EFNA5: variants seen among roughly 807,000 people sequenced by gnomAD.
EFNA5 encodes ephrin-A5.
Under a neutral mutation model 22.9 loss-of-function variants are expected in EFNA5, and 5 were observed. That is an observed-to-expected ratio of 0.22 (90% CI 0.11 to 0.46). The LOEUF (loss-of-function observed/expected upper bound fraction) is 0.46, where lower values mean the gene tolerates loss of function less well. Among genes scored for constraint, EFNA5 ranks in the 20% least tolerant of loss-of-function variants. The pLI, the probability that EFNA5 is intolerant of heterozygous loss-of-function variation, is 0.99. For missense variants in EFNA5, 237 were observed against 293.3 expected, an observed-to-expected ratio of 0.81 and a Z score of 1.40; for synonymous variants, 113 against 112.2, an observed-to-expected ratio of 1.01 and a Z score of -0.04.
In EFNA5 at chr5:107,463,488, A is replaced by G. The variant is rs9328004; in HGVS notation, c.126-35979T>C. Among the ~76,000 whole-genome samples, 409 of 152,254 alleles carry G rather than the reference A, an allele frequency of 2.7e-3. 2 individuals carry two copies. The highest frequency in any genetic ancestry group is 9.0e-3 in the African/African-American group (376 of 41,572). On this transcript the variant is annotated intron_variant, in intron 1 of 4. Transcript: ENST00000333274. ...CTGATATTTTCAGGACTGTCTTCCA[A>G]TATTTTTCCAATAAAAACTAGAGAC...
chr5:107,463,064 T>C (rs1749875505), intron 1 of EFNA5, among the ~76,000 whole-genome samples: 1 of 152,028 alleles, frequency 6.6e-6, no homozygotes, highest in Non-Finnish European at 1.5e-5. Flanking sequence ...GGGGATGGAG[T>C]AGCTGAGATT....
chr5:107,622,606 T>C (rs1750057645), intron 1 of EFNA5, among the ~76,000 whole-genome samples: 1 of 152,144 alleles, frequency 6.6e-6, no homozygotes, highest in South Asian at 2.1e-4. Context: ...TGCAAATCGG[T>C]TTACCTACGT....
intron 1 of EFNA5, among the ~76,000 whole-genome samples, chr5:107,534,477 T>C (rs950351355): frequency 6.6e-6 from 1 of 152,172 alleles, no homozygotes; most frequent in Non-Finnish European, 1.5e-5. Flanking sequence ...ATAATACTAG[T>C]TGTGGTTGCA....
chr5:107,625,163 T>A (rs1350108443), intron 1 of EFNA5, among the ~76,000 whole-genome samples: 2 of 152,128 alleles, frequency 1.3e-5, no homozygotes, highest in Non-Finnish European at 2.9e-5. Context: ...GCAGAGCTAA[T>A]AAAGAAGGAA....
intron 1 of EFNA5, among the ~76,000 whole-genome samples, chr5:107,647,543 T>C (rs995573646): frequency 1.6e-4 from 24 of 152,152 alleles, no homozygotes; most frequent in Non-Finnish European, 3.1e-4. Flanking sequence ...TATAAAATAA[T>C]GGAGAGGAAT....
intron 4 of EFNA5, among the ~76,000 whole-genome samples, chr5:107,385,633 A>G (rs1181891040): frequency 1.3e-5 from 2 of 152,184 alleles, no homozygotes; most frequent in Non-Finnish European, 2.9e-5. Context: ...CTACCTAATC[A>G]GCAATGTGGC....
chr5:107,418,649 G>A (rs1280767088), intron 2 of EFNA5, among the ~76,000 whole-genome samples: 3 of 152,078 alleles, frequency 2.0e-5, no homozygotes, highest in Admixed American at 6.6e-5. Context: ...TGAACTTCTC[G>A]TCTGAGTGTC....
chr5:107,385,322 A>G (rs545286257), intron 4 of EFNA5, among the ~76,000 whole-genome samples: 1 of 152,178 alleles, frequency 6.6e-6, no homozygotes, highest in Admixed American at 6.5e-5. Context: ...TCATTACCAG[A>G]GAAAAATATG....
chr5:107,481,179 T>C (rs1750449592), intron 1 of EFNA5, among the ~76,000 whole-genome samples: 1 of 152,142 alleles, frequency 6.6e-6, no homozygotes, highest in South Asian at 2.1e-4. Flanking sequence ...AAGTGTCAAC[T>C]GCAAATGAGA....
chr5:107,652,216 T>G (rs906191635), intron 1 of EFNA5, among the ~76,000 whole-genome samples: 2 of 152,136 alleles, frequency 1.3e-5, no homozygotes, highest in African/African-American at 2.4e-5. Context: ...ATAAACTACT[T>G]TCTGTTTATT....
At chr5:107,464,737 C>A (rs865975521) in intron 1 of EFNA5, among the ~76,000 whole-genome samples, 6 of 152,260 alleles carry the variant, frequency 3.9e-5, no homozygotes, top group Middle Eastern at 6.8e-3. Flanking sequence ...TACCAGTCCC[C>A]AAATAGCTAA....
In EFNA5 at chr5:107,378,839, T is replaced by C. The variant is rs1747348417; in HGVS notation, c.*2416A>G. On this transcript the variant is annotated 3_prime_UTR_variant, in exon 5 of 5. Transcript: ENST00000333274. ...TAAAATGCATTTAGCACTGCTAACA[T>C]AGTTATGACTAACTGGAATCATGAC... is the stretch of plus-strand genomic sequence containing the variant. The C allele has an allele frequency of 6.6e-6, 1 of 152,218 alleles. No individual in the cohort carries two copies. The highest frequency in any genetic ancestry group is 2.1e-4 in the South Asian group (1 of 4,838). 9.4% of individuals were successfully genotyped at this position (152,218 alleles called of 1,614,324 possible). A position where few individuals can be genotyped will look rare whatever the true frequency, so the allele number is the denominator to read the frequency against.
intron 1 of EFNA5, among the ~76,000 whole-genome samples, chr5:107,561,650 G>A (rs1580531411): frequency 6.6e-6 from 1 of 152,146 alleles, no homozygotes; most frequent in African/African-American, 2.4e-5. Context: ...TTACAGGTGT[G>A]AGCCACTGCA....
At chr5:107,408,551 T>C (rs1356907203) in intron 2 of EFNA5, among the ~76,000 whole-genome samples, 1 of 152,222 alleles carries the variant, frequency 6.6e-6, no homozygotes. Flanking sequence ...CTGTTCAGAA[T>C]TCCTCAAGGG....
chr5:107,486,184 G>GA (rs965645522), intron 1 of EFNA5, among the ~76,000 whole-genome samples: 1 of 152,074 alleles, frequency 6.6e-6, no homozygotes, highest in African/African-American at 2.4e-5. Flanking sequence ...GCAAACAAAG[G>GA]AAAAAACAAA....
At chr5:107,425,086 G>A (rs577022025) in intron 2 of EFNA5, among the ~76,000 whole-genome samples, 3 of 152,170 alleles carry the variant, frequency 2.0e-5, no homozygotes, top group South Asian at 2.1e-4. Flanking sequence ...TTACTTTGAC[G>A]GAAGCCCTTG....
intron 1 of EFNA5, among the ~76,000 whole-genome samples, chr5:107,590,748 C>G (rs573358911): frequency 6.6e-6 from 1 of 152,262 alleles, no homozygotes; most frequent in Admixed American, 6.5e-5. Flanking sequence ...AAGGAAGAAT[C>G]TTACTTGTTC....
intron 1 of EFNA5, among the ~76,000 whole-genome samples, chr5:107,443,506 A>C (rs1289118118): frequency 1.3e-5 from 2 of 152,216 alleles, no homozygotes; most frequent in African/African-American, 4.8e-5. Flanking sequence ...ACAGTTAATG[A>C]AACTACTGTA....
chr5:107,524,576 T>C (rs2112446146), intron 1 of EFNA5, among the ~76,000 whole-genome samples: 1 of 152,296 alleles, frequency 6.6e-6, no homozygotes, highest in South Asian at 2.1e-4. Flanking sequence ...GTTAACTACA[T>C]ACAGGTCTAA....
Sources: gnomAD v4.1 joint callset for allele counts (sites outside exome capture counted in the v4.1 genomes callset) on GRCh38, gnomAD v4.1.1 for gene constraint, MANE v1.5 for transcripts, NCBI Gene and HGNC (gene_info 2026-07-23, HGNC 2026-07-21) for gene names.